The following TASP1 variants were observed in gnomAD, a reference collection of about 807,000 sequenced individuals.
TASP1 encodes threonine aspartase 1.
Under a neutral mutation model 56.6 loss-of-function variants are expected in TASP1, and 16 were observed. The observed-to-expected ratio is 0.28, with a 90% confidence interval of 0.19 to 0.43. TASP1 has a LOEUF of 0.43. Among genes scored for constraint, TASP1 ranks in the 20% least tolerant of loss-of-function variants. TASP1 has a pLI of 1.00. For missense variants in TASP1, 393 were observed against 511.6 expected (o/e 0.77, Z 2.24); for synonymous variants, 179 against 184.2 (o/e 0.97, Z 0.23).
At chr20:13,333,677 A>G in the TASP1 span, among the ~76,000 whole-genome samples, 1 of 152,258 alleles carries the variant, frequency 6.6e-6, no homozygotes, top group Non-Finnish European at 1.5e-5. Context: ...TCGTTGTTCT[A>G]TCAACAAAAA....
chr20:13,112,395 A>G, the TASP1 span, among the ~76,000 whole-genome samples: 8 of 152,290 alleles, frequency 5.3e-5, no homozygotes, highest in Middle Eastern at 3.4e-3. Flanking sequence ...CTGGCTTCCA[A>G]CAGAGCAAAA....
chr20:13,238,256 G>A, the TASP1 span: 1 of 152,102 alleles, frequency 6.6e-6, no homozygotes, highest in Non-Finnish European at 1.5e-5. Flanking sequence ...GTGACTTTTG[G>A]GGACTAATTT....
the TASP1 span, among the ~76,000 whole-genome samples, chr20:13,322,706 T>C: frequency 6.6e-6 from 1 of 152,184 alleles, no homozygotes; most frequent in African/African-American, 2.4e-5. Flanking sequence ...CTGCAAAGCT[T>C]AGATTACTTC....
chr20:13,562,948 TTGTGTA>T (rs1386903932), intron 7 of TASP1, among the ~76,000 whole-genome samples: 3 of 134,096 alleles, frequency 2.2e-5, no homozygotes, highest in Non-Finnish European at 4.8e-5. Context: ...TGTGTGTGTG[TTGTGTA>T]TGTGTATACG....
intron 4 of TASP1, among the ~76,000 whole-genome samples, chr20:13,606,162 C>T (rs1286681950): frequency 6.6e-6 from 1 of 151,362 alleles, no homozygotes; most frequent in Non-Finnish European, 1.5e-5. Context: ...TGTGTAGATG[C>T]ATTACATGTA....
At chr20:13,572,313 C>T (rs1601295323) in intron 6 of TASP1, among the ~76,000 whole-genome samples, 3 of 152,284 alleles carry the variant, frequency 2.0e-5, no homozygotes, top group Admixed American at 6.5e-5. Flanking sequence ...TACCCATCTT[C>T]GTTTACATTA....
chr20:13,343,531 G>GTTCCACCGC, the TASP1 span, among the ~76,000 whole-genome samples: 5 of 152,198 alleles, frequency 3.3e-5, no homozygotes, highest in African/African-American at 1.2e-4. Flanking sequence ...GCAGGCTGCG[G>GTTCCACCGC]TTCCACCGCT....
the TASP1 span, among the ~76,000 whole-genome samples, chr20:13,320,823 TAA>T: frequency 1.3e-5 from 2 of 152,322 alleles, no homozygotes; most frequent in Non-Finnish European, 2.9e-5. Context: ...TCCCAGAAGT[TAA>T]AGATACCATT....
the TASP1 span, among the ~76,000 whole-genome samples, chr20:13,159,108 A>G: frequency 6.6e-6 from 1 of 152,236 alleles, no homozygotes; most frequent in Non-Finnish European, 1.5e-5. Context: ...CTCTCAGCAC[A>G]AGATATTTAC....
chr20:13,193,349 T>C, the TASP1 span, among the ~76,000 whole-genome samples: 1 of 152,124 alleles, frequency 6.6e-6, no homozygotes, highest in East Asian at 1.9e-4. Flanking sequence ...ATGTGGTAAG[T>C]GGAAACACCC....
intron 8 of TASP1, among the ~76,000 whole-genome samples, chr20:13,555,547 A>T (rs1028791387): frequency 2.6e-5 from 4 of 152,142 alleles, no homozygotes; most frequent in Non-Finnish European, 4.4e-5. Flanking sequence ...GTAGCAATTC[A>T]AGCCACATCT....
intron 13 of TASP1, among the ~76,000 whole-genome samples, chr20:13,404,395 C>T (rs969385880): frequency 1.3e-5 from 2 of 152,144 alleles, no homozygotes; most frequent in Non-Finnish European, 2.9e-5. Context: ...TTGAGGCCAA[C>T]AGTTTGAGAT....
chr20:13,369,211 T>C, the TASP1 span, among the ~76,000 whole-genome samples: 14,661 of 152,186 alleles, frequency 0.096, 814 homozygotes, highest in African/African-American at 0.14. Flanking sequence ...TTTGGGAGGC[T>C]GAGGCAGGTG....
At chr20:13,116,119 A>G in the TASP1 span, among the ~76,000 whole-genome samples, 5 of 152,218 alleles carry the variant, frequency 3.3e-5, no homozygotes, top group African/African-American at 1.2e-4. Flanking sequence ...GCACCCAGTG[A>G]TCATGATACT....
At chr20:13,276,865 C>T in the TASP1 span, among the ~76,000 whole-genome samples, 280 of 152,316 alleles carry the variant, frequency 1.8e-3, 1 homozygote, top group Middle Eastern at 6.8e-3. Context: ...CCTATGAAAC[C>T]TCAGGCTCAA....
At chr20:13,305,393 G>A in the TASP1 span, among the ~76,000 whole-genome samples, 1 of 152,124 alleles carries the variant, frequency 6.6e-6, no homozygotes, top group African/African-American at 2.4e-5. Context: ...GAGCAATAGT[G>A]ATCAAAACCC....
chr20:13,159,357 G>T, the TASP1 span, among the ~76,000 whole-genome samples: 13 of 152,146 alleles, frequency 8.5e-5, no homozygotes, highest in East Asian at 3.9e-4. Flanking sequence ...TTATCCCTGT[G>T]CATCCCTGGG....
chr20:13,501,848 T>A (rs906430435), intron 10 of TASP1, among the ~76,000 whole-genome samples: 8 of 151,928 alleles, frequency 5.3e-5, no homozygotes, highest in Admixed American at 2.0e-4. Flanking sequence ...AGCAGACAAG[T>A]ACTAAGGATA....
At position 13,627,506 on chromosome 20, in the gene TASP1, C is replaced by A. The variant is rs146120837; in HGVS notation, c.146-2254G>T. Among the ~76,000 whole-genome samples, 563 of 152,238 alleles carry A rather than the reference C, an allele frequency of 3.7e-3. 3 individuals carry two copies. The highest frequency in any genetic ancestry group is 0.012 in the East Asian group (60 of 5,176). ...GTGGCTCATGCCTGTAATCCCAACA[C>A]TTTGGGAGGCCGAGGCGGGTGGATC... On this transcript the variant is annotated intron_variant, in intron 2 of 13. Coordinates refer to ENST00000337743, the MANE Select transcript of TASP1 (RefSeq NM_017714.3).
Sources: allele counts gnomAD v4.1 joint callset (sites outside exome capture counted in the v4.1 genomes callset), GRCh38; gene constraint gnomAD v4.1.1; transcripts MANE v1.5; gene names NCBI Gene and HGNC (gene_info 2026-07-23, HGNC 2026-07-21).